CRIM1: variants seen among roughly 807,000 people sequenced by gnomAD.
CRIM1 encodes the protein cysteine-rich motor neuron 1 protein.
Under a neutral mutation model 116.4 loss-of-function variants are expected in CRIM1, and 32 were observed. That is an observed-to-expected ratio of 0.27 (90% CI 0.21 to 0.37). The LOEUF is 0.37. Among genes scored for constraint, CRIM1 ranks in the 10% least tolerant of loss-of-function variants. The probability of loss-of-function intolerance (pLI) is 1.00; values close to 1 mark genes in which losing one functional copy is unlikely to be tolerated. For missense variants in CRIM1, 1,331 were observed against 1,354.8 expected, an observed-to-expected ratio of 0.98 and a Z score of 0.28; for synonymous variants, 590 against 509.2, an observed-to-expected ratio of 1.16 and a Z score of -2.13.
At chr2:36,510,672 G>C (rs1382734162) in intron 9 of CRIM1, among the ~76,000 whole-genome samples, 1 of 152,096 alleles carries the variant, frequency 6.6e-6, no homozygotes, top group Non-Finnish European at 1.5e-5. Context: ...TTGGAGCTAA[G>C]GGCCATTACT....
In CRIM1 at chr2:36,457,333, C is replaced by T. The variant is rs115962718; in HGVS notation, c.870-7201C>T. Among the ~76,000 whole-genome samples the T allele has an allele frequency of 9.7e-3, 1,469 of 151,646 alleles. 31 individuals are homozygous for T. The highest frequency in any genetic ancestry group is 0.033 in the African/African-American group (1,353 of 41,252). On this transcript the variant is annotated intron_variant, in intron 4 of 16. Transcript: ENST00000280527. ...TGAGCATGTCCTTTGATTCCTCCCC[C>T]CAGAAAAAAACAAAGCGTAAAACAA... is the stretch of plus-strand genomic sequence containing the variant.
At chr2:36,444,205 A>G (rs1676074968) in intron 4 of CRIM1, among the ~76,000 whole-genome samples, 1 of 152,242 alleles carries the variant, frequency 6.6e-6, no homozygotes, top group Admixed American at 6.5e-5. Context: ...TAAATGCCAC[A>G]TAGAGCCATC....
At chr2:36,415,902 T>G (rs1270399124) in intron 2 of CRIM1, among the ~76,000 whole-genome samples, 1 of 152,194 alleles carries the variant, frequency 6.6e-6, no homozygotes, top group Non-Finnish European at 1.5e-5. Flanking sequence ...GAGTGTCTGA[T>G]GATTTAAAAA....
At chr2:36,441,092 G>A (rs1027688506) in intron 2 of CRIM1, among the ~76,000 whole-genome samples, 166 bp from the exon 3 acceptor site, 2 of 152,304 alleles carry the variant, frequency 1.3e-5, no homozygotes, top group South Asian at 2.1e-4. Flanking sequence ...CAGATCTTGG[G>A]TGAGGTTTTC....
At chr2:36,400,840 A>T (rs995968814) in intron 2 of CRIM1, among the ~76,000 whole-genome samples, 6 of 152,220 alleles carry the variant, frequency 3.9e-5, no homozygotes, top group African/African-American at 1.4e-4. Context: ...AGGGGTTAAG[A>T]GTGCAGTGAT....
At position 36,548,992 on chromosome 2, in the gene CRIM1, G is replaced by T; in HGVS notation, c.*291G>T. 2.2e-5 allele frequency: 4 copies of T among 178,038 alleles called. No individual in the cohort carries two copies. Among genetic ancestry groups the T allele is most frequent in the Admixed American group, 6.1e-5 (1 of 16,512 alleles). 11.0% of individuals were successfully genotyped at this position (178,038 alleles called of 1,614,324 possible). On this transcript the variant is annotated 3_prime_UTR_variant, in exon 17 of 17. Transcript: ENST00000280527. ...GAGATATTTGGGGTGGGGACAGTGA[G>T]TTTGGATGGGGAAATGGGTGGGAGG...
chr2:36,387,014 G>C (rs1053682023), intron 1 of CRIM1, among the ~76,000 whole-genome samples: 2 of 152,170 alleles, frequency 1.3e-5, no homozygotes, highest in African/African-American at 4.8e-5. Context: ...AAGTTTGCTG[G>C]GATCAAGTCT....
intron 7 of CRIM1, among the ~76,000 whole-genome samples, chr2:36,489,714 A>G (rs1481277154): frequency 6.6e-6 from 1 of 152,236 alleles, no homozygotes; most frequent in Non-Finnish European, 1.5e-5. Context: ...GAGAGTGGCA[A>G]GAAACACTGG....
intron 7 of CRIM1, among the ~76,000 whole-genome samples, chr2:36,494,006 A>C (rs1202478789): frequency 1.3e-5 from 2 of 152,180 alleles, no homozygotes; most frequent in Non-Finnish European, 2.9e-5. Context: ...TCAGCTTCTT[A>C]CTTCCTTGGC....
intron 1 of CRIM1, among the ~76,000 whole-genome samples, chr2:36,360,597 C>T (rs1409714541): frequency 1.3e-5 from 2 of 152,104 alleles, no homozygotes; most frequent in African/African-American, 4.8e-5. Context: ...CTGAAACTTG[C>T]CATGCAAAGT....
chr2:36,451,054 A>C (rs1291200938), intron 4 of CRIM1, among the ~76,000 whole-genome samples: 2 of 152,192 alleles, frequency 1.3e-5, no homozygotes, highest in African/African-American at 4.8e-5. Context: ...ATCTAACCAC[A>C]TAGCTACAGT....
At chr2:36,458,622 C>A (rs551062382) in intron 4 of CRIM1, among the ~76,000 whole-genome samples, 1 of 152,172 alleles carries the variant, frequency 6.6e-6, no homozygotes, top group South Asian at 2.1e-4. Flanking sequence ...TGCAAAGGCC[C>A]TATCTTGAGC....
intron 2 of CRIM1, among the ~76,000 whole-genome samples, chr2:36,437,015 A>G: frequency 6.6e-6 from 1 of 152,256 alleles, no homozygotes; most frequent in African/African-American, 2.4e-5. Flanking sequence ...TGTTTGTATA[A>G]TAACTCTTTA....
rs747516273 is a variant in CRIM1 at position 36,522,330 on chromosome 2, A to G, written c.2428+17A>G. 3 of 1,575,424 alleles carry G rather than the reference A, an allele frequency of 1.9e-6. No homozygotes were observed. Among genetic ancestry groups the G allele is most frequent in the Non-Finnish European group, 2.6e-6 (3 of 1,145,064 alleles). On this transcript the variant is annotated intron_variant, in intron 13 of 16. Coordinates refer to ENST00000280527, the MANE Select transcript of CRIM1 (RefSeq NM_016441.3). ...ACTGCATAGGTAAGACCAAGGAAAA[A>G]AAAATCCCTCATCTCTACCAGTTGT... is the stretch of plus-strand genomic sequence containing the variant.
chr2:36,502,533 T>C (rs2125091652), intron 8 of CRIM1, among the ~76,000 whole-genome samples: 1 of 152,306 alleles, frequency 6.6e-6, no homozygotes, highest in South Asian at 2.1e-4. Context: ...CCTTCCTTTT[T>C]TCACCTAATA....
chr2:36,513,850 G>T, intron 11 of CRIM1, 85 bp downstream of exon 11: 1 of 1,242,418 alleles, frequency 8.0e-7, no homozygotes, highest in South Asian at 1.3e-5. Context: ...ACTCTGGGGA[G>T]GTTGGAGGGG....
At position 36,477,045 on chromosome 2, in the gene CRIM1, A is replaced by T. The variant is rs1366960472; in HGVS notation, c.1148A>T (p.Glu383Val). The change falls in exon 6 of 17, where the codon GAA becomes GTA. Residue 383 changes from glutamate (E) to valine (V), a missense_variant. Transcript: ENST00000280527. ...EINCERYYVP[E>V]GECCPVCEDP... ...AACTGCGAGAGGTACTACGTGCCCG[A>T]AGGAGAGTGCTGCCCAGTGTGTGAA... 1 of 1,613,764 alleles carries T rather than the reference A, an allele frequency of 6.2e-7. No individual in the cohort carries two copies. The highest frequency in any genetic ancestry group is 1.3e-5 in the African/African-American group (1 of 75,046).
chr2:36,509,681 A>G (rs1176069387), intron 8 of CRIM1, among the ~76,000 whole-genome samples: 2 of 152,228 alleles, frequency 1.3e-5, no homozygotes, highest in African/African-American at 4.8e-5. Context: ...AAATGATCTC[A>G]GTCATTAATT....
chr2:36,373,679 G>A (rs1320710372), intron 1 of CRIM1, among the ~76,000 whole-genome samples: 1 of 152,174 alleles, frequency 6.6e-6, no homozygotes, highest in Non-Finnish European at 1.5e-5. Flanking sequence ...TGTATGTGTG[G>A]AAATGCAGGC....
Sources: gnomAD v4.1 joint callset for allele counts (sites outside exome capture counted in the v4.1 genomes callset) on GRCh38, gnomAD v4.1.1 for gene constraint, MANE v1.5 for transcripts, NCBI Gene and HGNC (gene_info 2026-07-23, HGNC 2026-07-21) for gene names.